Variants in STAT4 observed in about 807,000 individuals in gnomAD.
The protein encoded by STAT4 is signal transducer and activator of transcription 4.
Under a neutral mutation model 110.5 loss-of-function variants are expected in STAT4, and 42 were observed. The ratio of observed to expected loss-of-function variants is 0.38; its 90% CI spans 0.30 to 0.49. The LOEUF (loss-of-function observed/expected upper bound fraction) is 0.49, where lower values mean the gene tolerates loss of function less well. STAT4 is among the 20% of genes least tolerant of loss of function. The pLI, the probability that STAT4 is intolerant of heterozygous loss-of-function variation, is 0.95. For synonymous variants in STAT4, 284 were observed against 302.2 expected (o/e 0.94, Z 0.63); for missense variants, 632 against 887.9 (o/e 0.71, Z 3.66).
At chr2:191,127,258 T>G (rs973092287) in intron 3 of STAT4, among the ~76,000 whole-genome samples, 1 of 152,198 alleles carries the variant, frequency 6.6e-6, no homozygotes, top group Non-Finnish European at 1.5e-5. Flanking sequence ...CTTTGATGGT[T>G]CCCTATTAAG....
rs138111228 is a variant in STAT4 at position 191,064,824 on chromosome 2, G to A, written c.765C>T (p.Leu255=). ...CGTTTTACCAGTTCTGAAGCTGGTC[G>A]AGCCCATTGTGGAGTGGACCCCCGA... The part of the protein sequence containing the change: ...ACIGGPLHNG[L]DQLQNCFTLL... The change falls in exon 8 of 24, where the codon CTC becomes CTT. Residue 255 remains leucine (L), a synonymous_variant. Coordinates refer to ENST00000392320, the MANE Select transcript of STAT4 (RefSeq NM_003151.4). 2.4e-5 allele frequency: 39 copies of A among 1,611,836 alleles called. No individual in the cohort carries two copies. The East Asian group carries it at 3.4e-4, about 14-fold the overall frequency.
chr2:191,145,020 T>C lies in STAT4; in HGVS notation c.273+1593A>G, dbSNP rs147935090. ...TGTGCTTATCTAGCAAAGTGACCTA[T>C]GGACTCTTTACTAGTAGGCTAAGAG... is the stretch of plus-strand genomic sequence containing the variant. On this transcript the variant is annotated intron_variant, in intron 3 of 23. Transcript: ENST00000392320. 2.8e-3 allele frequency among the ~76,000 whole-genome samples: 424 copies of C among 152,304 alleles called. 1 individual carries two copies. The highest frequency in any genetic ancestry group is 9.7e-3 in the African/African-American group (403 of 41,564).
intron 3 of STAT4, among the ~76,000 whole-genome samples, chr2:191,080,237 C>G (rs1043436957): frequency 4.6e-5 from 7 of 151,902 alleles, no homozygotes; most frequent in Non-Finnish European, 8.8e-5. Context: ...ATTGGTAAAA[C>G]TCTTGATTTA....
chr2:191,130,490 G>C (rs112164164), intron 3 of STAT4, among the ~76,000 whole-genome samples: 3 of 151,694 alleles, frequency 2.0e-5, no homozygotes, highest in African/African-American at 7.3e-5. Flanking sequence ...CCAAAGTGCT[G>C]GGATTACAGG....
intron 3 of STAT4, among the ~76,000 whole-genome samples, chr2:191,125,893 C>A (rs892353089): frequency 2.0e-5 from 3 of 152,056 alleles, no homozygotes; most frequent in Non-Finnish European, 4.4e-5. Flanking sequence ...TCAGAGGGTG[C>A]CTGGTGACTT....
At position 191,061,304 on chromosome 2, in the gene STAT4, GAATCTGTCCCC is replaced by G. The variant is rs1377802130; in HGVS notation, c.1034+414_1034+424del. 6.6e-6 allele frequency among the ~76,000 whole-genome samples: 1 copy of G among 152,094 alleles called. No homozygotes were observed. Among genetic ancestry groups the G allele is most frequent in the African/African-American group, 2.4e-5 (1 of 41,402 alleles). ...TGGATAGGATATTCAAAGCCTTCCAGAATCTGTCCCCAATCTGTCCTCTCAATTCTGTCTCT... is the reference window on the plus strand; with the variant it reads ...TGGATAGGATATTCAAAGCCTTCCAGAATCTGTCCTCTCAATTCTGTCTCT... On this transcript the variant is annotated intron_variant, in intron 10 of 23. Coordinates refer to ENST00000392320, the MANE Select transcript of STAT4 (RefSeq NM_003151.4). The surrounding 1 kb of genome is among the most constrained non-coding windows in gnomAD (Gnocchi z 6.2).
rs13012772 is a variant in STAT4, at chr2:191,108,860, A to G, written c.274-32535T>C. 1.5e-3 allele frequency among the ~76,000 whole-genome samples: 228 copies of G among 152,350 alleles called. 1 individual carries two copies. Among genetic ancestry groups the G allele is most frequent in the Middle Eastern group, 0.01 (3 of 294 alleles). On this transcript the variant is annotated intron_variant, in intron 3 of 23. Transcript: ENST00000392320. ...ACATGCCCTTCAAAATTTGATAAAG[A>G]TTCACTAACAAAACAGTTTTTCTTA...
At chr2:191,102,366 T>C (rs1173716949) in intron 3 of STAT4, among the ~76,000 whole-genome samples, 1 of 149,410 alleles carries the variant, frequency 6.7e-6, no homozygotes, top group Non-Finnish European at 1.5e-5. Flanking sequence ...ATTCCTCTTT[T>C]GCTCTTCTCT....
chr2:191,089,275 T>G (rs1697726860), intron 3 of STAT4, among the ~76,000 whole-genome samples: 1 of 152,096 alleles, frequency 6.6e-6, no homozygotes, highest in African/African-American at 2.4e-5. Context: ...CCAAAGAAGA[T>G]ATATAGATGA....
rs1355312598 is a variant in STAT4, at chr2:191,117,846, A to T, written c.273+28767T>A. Among the ~76,000 whole-genome samples the T allele has an allele frequency of 6.6e-6, 1 of 152,126 alleles. No individual in the cohort carries two copies. The highest frequency in any genetic ancestry group is 2.4e-5 in the African/African-American group (1 of 41,432). On this transcript the variant is annotated intron_variant, in intron 3 of 23. Transcript: ENST00000392320. This position sits in a 1 kb window ranked among gnomAD's most constrained non-coding sequence, Gnocchi z 5.2. ...TCCACCTTTGACCTATTCAGTGAGAATTGGAAATGGGGGCTGGAAATCTAC... is the reference window on the plus strand; with the variant it reads ...TCCACCTTTGACCTATTCAGTGAGATTTGGAAATGGGGGCTGGAAATCTAC...
chr2:191,129,414 C>T (rs531887482), intron 3 of STAT4, among the ~76,000 whole-genome samples: 1 of 152,116 alleles, frequency 6.6e-6, no homozygotes, highest in South Asian at 2.1e-4. Flanking sequence ...CACAGCAAGA[C>T]CCCATCTCTG....
rs866516436 is a variant in STAT4, at chr2:191,107,553, A to G, written c.274-31228T>C. 1.3e-5 allele frequency among the ~76,000 whole-genome samples: 2 copies of G among 152,200 alleles called. No homozygotes were observed. Among genetic ancestry groups the G allele is most frequent in the South Asian group, 4.1e-4 (2 of 4,830 alleles). ...ACTTGCCCAAAATCATGTTGCTAAT[A>G]AATCTGAGGCAGGGTTTTAACCCCA... On this transcript the variant is annotated intron_variant, in intron 3 of 23. Transcript: ENST00000392320. This position sits in a 1 kb window ranked among gnomAD's most constrained non-coding sequence, Gnocchi z 4.2.
intron 3 of STAT4, among the ~76,000 whole-genome samples, chr2:191,109,907 AC>A (rs1252880596): frequency 6.6e-6 from 1 of 152,142 alleles, no homozygotes; most frequent in Non-Finnish European, 1.5e-5. Flanking sequence ...TACTTGGTTT[AC>A]TAATTACCTC....
In STAT4 at chr2:191,042,430, G is replaced by A. The variant is rs1328059488; in HGVS notation, c.1252-1282C>T. Among the ~76,000 whole-genome samples the A allele has an allele frequency of 1.3e-5, 2 of 152,140 alleles. No homozygotes were observed. The highest frequency in any genetic ancestry group is 2.4e-5 in the African/African-American group (1 of 41,418). ...GGCATGTTGAAGGCGCAGATCAACCGTTTGTAATGGGAAGATAGTGCTTAG... is the reference window on the plus strand; with the variant it reads ...GGCATGTTGAAGGCGCAGATCAACCATTTGTAATGGGAAGATAGTGCTTAG... On this transcript the variant is annotated intron_variant, in intron 14 of 23. Transcript: ENST00000392320. This position sits in a 1 kb window ranked among gnomAD's most constrained non-coding sequence, Gnocchi z 4.2.
rs192975685 is a variant in STAT4 at position 191,104,498 on chromosome 2, G to A, written c.274-28173C>T. On this transcript the variant is annotated intron_variant, in intron 3 of 23. Transcript: ENST00000392320. The surrounding 1 kb of genome is among the most constrained non-coding windows in gnomAD (Gnocchi z 4.3). ...TATGTGAAGAAGATTTTGCCACACA[G>A]ACTCACACTGTGTTTTTAAATTTGA... Among the ~76,000 whole-genome samples the A allele has an allele frequency of 6.6e-6, 1 of 152,244 alleles. No homozygotes were observed. Among genetic ancestry groups the A allele is most frequent in the East Asian group, 1.9e-4 (1 of 5,178 alleles).
chr2:191,120,369 A>G (rs150209464), intron 3 of STAT4, among the ~76,000 whole-genome samples: 2 of 152,272 alleles, frequency 1.3e-5, no homozygotes, highest in Middle Eastern at 3.4e-3. Flanking sequence ...ATTTTAAATG[A>G]TCAAAAAGCC....
chr2:191,094,610 C>A (rs1204916490), intron 3 of STAT4, among the ~76,000 whole-genome samples: 2 of 152,120 alleles, frequency 1.3e-5, no homozygotes, highest in Non-Finnish European at 2.9e-5. Context: ...TGGGAGGGAA[C>A]AACCGGTACC....
chr2:191,116,383 A>G lies in STAT4; in HGVS notation c.273+30230T>C, dbSNP rs952004406. On this transcript the variant is annotated intron_variant, in intron 3 of 23. Coordinates refer to ENST00000392320, the MANE Select transcript of STAT4 (RefSeq NM_003151.4). This position sits in a 1 kb window ranked among gnomAD's most constrained non-coding sequence, Gnocchi z 4.1. ...TTGCAAGCTAAAATTTAGATAAAGA[A>G]GAATCAGCCTAGTTATAATAAAATA... Among the ~76,000 whole-genome samples, 5 of 152,240 alleles carry G rather than the reference A, an allele frequency of 3.3e-5. No individual in the cohort carries two copies. Among genetic ancestry groups the G allele is most frequent in the Non-Finnish European group, 2.9e-5 (2 of 68,044 alleles).
At position 191,146,802 on chromosome 2, in the gene STAT4, A is replaced by G; in HGVS notation, c.129-45T>C. On this transcript the variant is annotated intron_variant, in intron 2 of 23. Transcript: ENST00000392320. The surrounding 1 kb of genome is among the most constrained non-coding windows in gnomAD (Gnocchi z 4.5). ...TTACACAACAGAAAACAACTTTGTA[A>G]AATGTCTACTTTTTTACCATACTAA... 7.0e-7 allele frequency: 1 copy of G among 1,436,510 alleles called. No individual in the cohort carries two copies. The highest frequency in any genetic ancestry group is 9.2e-7 in the Non-Finnish European group (1 of 1,089,058). 89.0% of individuals were successfully genotyped at this position (1,436,510 alleles called of 1,614,324 possible).
Sources: allele counts gnomAD v4.1 joint callset (sites outside exome capture counted in the v4.1 genomes callset), GRCh38; gene constraint gnomAD v4.1.1; non-coding constraint Gnocchi (gnomAD v3.1); transcripts MANE v1.5; gene names NCBI Gene and HGNC (gene_info 2026-07-23, HGNC 2026-07-21).